The following RTTN variants were observed in gnomAD, a reference collection of about 807,000 sequenced individuals.
RTTN encodes rotatin.
RTTN carries 182 observed loss-of-function variants against 269.2 expected under a neutral mutation model. The observed-to-expected ratio is 0.68, with a 90% CI of 0.60 to 0.76. The LOEUF is 0.76. Ranked by LOEUF, RTTN falls within the 30% of genes least tolerant of loss-of-function variation. The pLI, the probability that RTTN is intolerant of heterozygous loss-of-function variation, is 0.00. For missense variants in RTTN, 2,545 were observed against 2,608.6 expected, an observed-to-expected ratio of 0.98 and a Z score of 0.53; for synonymous variants, 1,006 against 963.5, an observed-to-expected ratio of 1.04 and a Z score of -0.82.
At chr18:70,117,596 C>T (rs2059633349) in intron 26 of RTTN, among the ~76,000 whole-genome samples, 1 of 151,944 alleles carries the variant, frequency 6.6e-6, no homozygotes, top group Non-Finnish European at 1.5e-5. Context: ...ACCAAAAATC[C>T]TTTTCAAAAA....
intron 33 of RTTN, 152 bp downstream of exon 33, chr18:70,075,200 A>T: frequency 1.9e-6 from 1 of 539,560 alleles, no homozygotes; most frequent in Non-Finnish European, 3.2e-6. Context: ...GAAGACGGGA[A>T]GAAAATACAT....
Position 70,190,750 on chromosome 18 carries a change from T to C in RTTN, c.1008-31A>G, listed in dbSNP as rs756854831. 1.3e-5 allele frequency: 19 copies of C among 1,513,946 alleles called. 1 individual carries two copies. In the South Asian group the frequency reaches 2.0e-4, roughly 16 times the overall value. The allele number at this position is 1,513,946 out of a possible 1,614,324, so 93.8% of individuals were successfully genotyped here. On this transcript the variant is annotated intron_variant, in intron 8 of 48. Transcript: ENST00000640769. ...AGATAAACAAATGATAAACCTTGCA[T>C]ACAGAAACAATCCCCAAACAGATTT...
chr18:70,068,482 T>G (rs1182496689), intron 34 of RTTN, among the ~76,000 whole-genome samples: 1 of 152,214 alleles, frequency 6.6e-6, no homozygotes, highest in Non-Finnish European at 1.5e-5. Flanking sequence ...TTGAGAAAGC[T>G]GGCTGGCCTT....
chr18:70,004,337 A>G (rs1168478134), intron 48 of RTTN, 101 bp from the exon 49 acceptor site: 1 of 670,068 alleles, frequency 1.5e-6, no homozygotes, highest in African/African-American at 1.8e-5. Context: ...CAGGATTTAT[A>G]TATAATTTAA....
chr18:70,036,750 C>T (rs1025106080), intron 40 of RTTN, among the ~76,000 whole-genome samples: 1 of 152,208 alleles, frequency 6.6e-6, no homozygotes, highest in African/African-American at 2.4e-5. Context: ...GAAGCCTATA[C>T]TGTCTGTCCT....
At chr18:70,097,731 C>A (rs2059039673) in intron 28 of RTTN, among the ~76,000 whole-genome samples, 1 of 152,202 alleles carries the variant, frequency 6.6e-6, no homozygotes. Flanking sequence ...TCAAAGACAA[C>A]TGAACACAGA....
At chr18:70,044,272 T>C (rs2057427603) in intron 40 of RTTN, among the ~76,000 whole-genome samples, 1 of 152,224 alleles carries the variant, frequency 6.6e-6, no homozygotes, top group African/African-American at 2.4e-5. Context: ...ACATCTAAAA[T>C]AAGGCACAAG....
chr18:70,201,290 C>T (rs1048034233), intron 4 of RTTN, among the ~76,000 whole-genome samples: 2 of 152,170 alleles, frequency 1.3e-5, no homozygotes, highest in Non-Finnish European at 2.9e-5. Flanking sequence ...ATGTGTAGTG[C>T]AGGGCACAAT....
intron 28 of RTTN, among the ~76,000 whole-genome samples, chr18:70,103,217 T>C (rs1049675025): frequency 9.2e-5 from 14 of 151,824 alleles, no homozygotes; most frequent in African/African-American, 2.9e-4. Flanking sequence ...CTTCCAAGCA[T>C]GAAGTGACAG....
chr18:70,202,588 A>T (rs2061979870), intron 3 of RTTN, among the ~76,000 whole-genome samples: 1 of 152,240 alleles, frequency 6.6e-6, no homozygotes, highest in African/African-American at 2.4e-5. Context: ...GAATCAGATT[A>T]AAAATTCACA....
intron 5 of RTTN, among the ~76,000 whole-genome samples, chr18:70,199,080 A>G (rs565787159): frequency 6.6e-6 from 1 of 152,112 alleles, no homozygotes; most frequent in Non-Finnish European, 1.5e-5. Flanking sequence ...CCAGCTACTC[A>G]GGAGGCTGTG....
chr18:70,047,246 C>T (rs1002516156), intron 40 of RTTN, among the ~76,000 whole-genome samples: 1 of 151,996 alleles, frequency 6.6e-6, no homozygotes, highest in African/African-American at 2.4e-5. Flanking sequence ...AGTGAGAAGA[C>T]AAAAATCATA....
chr18:70,134,580 G>T (rs768192826), intron 22 of RTTN, 39 bp from the exon 23 acceptor site: 3 of 1,444,108 alleles, frequency 2.1e-6, no homozygotes, highest in East Asian at 2.3e-5. Context: ...AGAAACAACT[G>T]AGTAGACCAA....
At chr18:70,169,608 GA>G (rs1301320979) in intron 11 of RTTN, among the ~76,000 whole-genome samples, 2 of 152,088 alleles carry the variant, frequency 1.3e-5, no homozygotes, top group African/African-American at 4.8e-5. Context: ...GGGGATAGTG[GA>G]AATCCAATAT....
intron 34 of RTTN, among the ~76,000 whole-genome samples, chr18:70,068,457 C>A (rs1445501811): frequency 6.6e-6 from 1 of 152,184 alleles, no homozygotes; most frequent in Non-Finnish European, 1.5e-5. Flanking sequence ...CAGAGGAAGT[C>A]CTCAGACGTA....
intron 10 of RTTN, among the ~76,000 whole-genome samples, chr18:70,186,720 C>T (rs910389730): frequency 6.6e-6 from 1 of 152,146 alleles, no homozygotes; most frequent in Non-Finnish European, 1.5e-5. Flanking sequence ...TCCTTTGCGG[C>T]AACATGGATG....
chr18:70,199,713 CA>C (rs2061901909), intron 4 of RTTN, among the ~76,000 whole-genome samples: 1 of 152,150 alleles, frequency 6.6e-6, no homozygotes, highest in African/African-American at 2.4e-5. Flanking sequence ...AAACAGAACT[CA>C]TATGATATCA....
chr18:70,194,023 G>A (rs1445846072), intron 7 of RTTN: 1 of 152,088 alleles, frequency 6.6e-6, no homozygotes, highest in Non-Finnish European at 1.5e-5. Flanking sequence ...AGGAAATATT[G>A]GCAAACCATA....
chr18:70,099,677 T>A (rs1055678624), intron 28 of RTTN, among the ~76,000 whole-genome samples: 3 of 152,182 alleles, frequency 2.0e-5, no homozygotes, highest in Admixed American at 6.5e-5. Context: ...CTGAATGGTA[T>A]TGCCTAGGTT....
Sources: allele counts gnomAD v4.1 joint callset (sites outside exome capture counted in the v4.1 genomes callset), GRCh38; gene constraint gnomAD v4.1.1; transcripts MANE v1.5; gene names NCBI Gene and HGNC (gene_info 2026-07-23, HGNC 2026-07-21).